The following LHFPL3 variants were observed in gnomAD, a reference collection of about 807,000 sequenced individuals.
LHFPL3 encodes the protein LHFPL tetraspan subfamily member 3, also known as LHFPL tetraspan subfamily member 3 protein.
In LHFPL3, 5 loss-of-function variants were observed where a neutral mutation model predicts 19.3. The ratio of observed to expected loss-of-function variants is 0.26; its 90% CI spans 0.14 to 0.54. The LOEUF (loss-of-function observed/expected upper bound fraction) is 0.54. LHFPL3 is among the 20% of genes least tolerant of loss of function. The probability of loss-of-function intolerance (pLI) is 0.94; values close to 1 mark genes in which losing one functional copy is unlikely to be tolerated. For missense variants in LHFPL3, 249 were observed against 307.4 expected, an observed-to-expected ratio of 0.81 and a Z score of 1.42; for synonymous variants, 133 against 126.2, an observed-to-expected ratio of 1.05 and a Z score of -0.36.
intron 1 of LHFPL3, among the ~76,000 whole-genome samples, chr7:104,409,915 G>A (rs1055789987): frequency 6.6e-6 from 1 of 151,824 alleles, no homozygotes; most frequent in African/African-American, 2.4e-5. Flanking sequence ...TTGGATTTAC[G>A]CTTTTCAGAA....
chr7:104,761,476 G>A (rs1164266963), intron 2 of LHFPL3, among the ~76,000 whole-genome samples: 1 of 152,064 alleles, frequency 6.6e-6, no homozygotes, highest in African/African-American at 2.4e-5. Flanking sequence ...AAAAATACCT[G>A]CCATTTCTCA....
chr7:104,577,714 G>A (rs1426145328), intron 1 of LHFPL3, among the ~76,000 whole-genome samples: 1 of 152,276 alleles, frequency 6.6e-6, no homozygotes, highest in South Asian at 2.1e-4. Context: ...CTAATGGCTA[G>A]GCAGGAGATG....
At chr7:104,543,018 T>C (rs1002685231) in intron 1 of LHFPL3, among the ~76,000 whole-genome samples, 2 of 152,062 alleles carry the variant, frequency 1.3e-5, no homozygotes, top group African/African-American at 4.8e-5. Flanking sequence ...TGGATGAAGC[T>C]GGAAACCATC....
chr7:104,859,669 AAAAT>A (rs1488301923), intron 2 of LHFPL3, among the ~76,000 whole-genome samples: 2 of 152,182 alleles, frequency 1.3e-5, no homozygotes, highest in Non-Finnish European at 2.9e-5. Context: ...ACCCCATCTC[AAAAT>A]AAATAAATAA....
At position 104,445,038 on chromosome 7, in the gene LHFPL3, A is replaced by G. The variant is rs145759448; in HGVS notation, c.445+115814A>G. Reference sequence around the variant, plus strand: ...ACAGATGTGGGACACTCTCTGATTAATTTGAATATACTCTAAAGTCCATCT... The same window carrying G: ...ACAGATGTGGGACACTCTCTGATTAGTTTGAATATACTCTAAAGTCCATCT... On this transcript the variant is annotated intron_variant, in intron 1 of 2. Transcript: ENST00000424859. Among the ~76,000 whole-genome samples, 57 of 152,164 alleles carry G rather than the reference A, an allele frequency of 3.7e-4. No individual in the cohort carries two copies. The East Asian group carries it at 9.7e-3, about 26-fold the overall frequency.
At chr7:104,464,795 G>A (rs1792745132) in intron 1 of LHFPL3, among the ~76,000 whole-genome samples, 1 of 152,182 alleles carries the variant, frequency 6.6e-6, no homozygotes, top group East Asian at 1.9e-4. Context: ...CTGGGCCTGT[G>A]ATGAGAGGGG....
intron 1 of LHFPL3, among the ~76,000 whole-genome samples, chr7:104,470,280 G>C (rs924310030): frequency 6.6e-6 from 1 of 152,110 alleles, no homozygotes; most frequent in African/African-American, 2.4e-5. Context: ...CTCTCCTGTG[G>C]GATAATTCTG....
At chr7:104,875,068 G>A (rs542398483) in intron 2 of LHFPL3, among the ~76,000 whole-genome samples, 3 of 151,630 alleles carry the variant, frequency 2.0e-5, no homozygotes, top group Admixed American at 1.3e-4. Flanking sequence ...GGCTGGTCTC[G>A]AACTCCTGGT....
At chr7:104,365,325 A>AAAAAATAT (rs1790464325) in intron 1 of LHFPL3, among the ~76,000 whole-genome samples, 1 of 152,100 alleles carries the variant, frequency 6.6e-6, no homozygotes, top group Non-Finnish European at 1.5e-5. Context: ...TAAAAAAATA[A>AAAAAATAT]AAAAGGAGGT....
chr7:104,407,747 C>G (rs980011048), intron 1 of LHFPL3, among the ~76,000 whole-genome samples: 1 of 152,158 alleles, frequency 6.6e-6, no homozygotes, highest in Admixed American at 6.5e-5. Context: ...TTGAAGTTGG[C>G]AGAAACATGA....
chr7:104,500,838 G>A (rs769575553), intron 1 of LHFPL3, among the ~76,000 whole-genome samples: 21 of 151,988 alleles, frequency 1.4e-4, no homozygotes, highest in Non-Finnish European at 2.8e-4. Flanking sequence ...CCTCCTTCAC[G>A]TCTCCCAGCC....
intron 2 of LHFPL3, among the ~76,000 whole-genome samples, chr7:104,817,843 C>T (rs1790594764): frequency 6.6e-6 from 1 of 152,214 alleles, no homozygotes; most frequent in Non-Finnish European, 1.5e-5. Context: ...CCTCCCATTG[C>T]TGACTGATCA....
At chr7:104,635,780 G>A (rs1348795081) in intron 1 of LHFPL3, among the ~76,000 whole-genome samples, 2 of 152,128 alleles carry the variant, frequency 1.3e-5, no homozygotes, top group African/African-American at 4.8e-5. Flanking sequence ...TGAGAATGAA[G>A]GGAAGTTCCA....
intron 1 of LHFPL3, among the ~76,000 whole-genome samples, chr7:104,467,700 T>C (rs1792820894): frequency 1.3e-5 from 2 of 152,234 alleles, no homozygotes; most frequent in African/African-American, 4.8e-5. Flanking sequence ...AGAAATTAGA[T>C]ACACTCGGAC....
chr7:104,765,748 A>G (rs899004028), intron 2 of LHFPL3, among the ~76,000 whole-genome samples: 2 of 152,230 alleles, frequency 1.3e-5, no homozygotes, highest in Non-Finnish European at 2.9e-5. Flanking sequence ...GCCCCATGAT[A>G]GAGGCTAAAT....
rs553239601 is a variant in LHFPL3 at position 104,490,295 on chromosome 7, A to T, written c.445+161071A>T. ...AACATTTCCTTATCCTTTTGGGTAC[A>T]TCTGTTTCACTCCTCTTCTACTGAG... On this transcript the variant is annotated intron_variant, in intron 1 of 2. Transcript: ENST00000424859. Among the ~76,000 whole-genome samples, 57 of 152,300 alleles carry T rather than the reference A, an allele frequency of 3.7e-4. 1 individual carries two copies. Among genetic ancestry groups the T allele is most frequent in the African/African-American group, 1.3e-3 (55 of 41,564 alleles).
At chr7:104,755,845 G>T (rs1282407714) in intron 2 of LHFPL3, among the ~76,000 whole-genome samples, 2 of 152,068 alleles carry the variant, frequency 1.3e-5, no homozygotes, top group Admixed American at 1.3e-4. Context: ...ATAGGCATGC[G>T]CCACCACGCC....
chr7:104,483,835 AG>A (rs1793185341), intron 1 of LHFPL3, among the ~76,000 whole-genome samples: 1 of 152,110 alleles, frequency 6.6e-6, no homozygotes, highest in African/African-American at 2.4e-5. Context: ...TATGTTACTC[AG>A]GCTTGTCTGA....
intron 2 of LHFPL3, among the ~76,000 whole-genome samples, chr7:104,864,509 T>A (rs1254185774): frequency 1.3e-5 from 2 of 152,200 alleles, no homozygotes; most frequent in African/African-American, 4.8e-5. Context: ...CCAATGTGCC[T>A]CGCTCATTGC....
Sources: allele counts gnomAD v4.1 joint callset (sites outside exome capture counted in the v4.1 genomes callset), GRCh38; gene constraint gnomAD v4.1.1; transcripts MANE v1.5; gene names NCBI Gene and HGNC (gene_info 2026-07-23, HGNC 2026-07-21).